Variants in TTLL11 observed in about 807,000 individuals in gnomAD.
TTLL11 encodes tubulin tyrosine ligase like 11.
In TTLL11, 42 loss-of-function variants were observed where a neutral mutation model predicts 51.7. The ratio of observed to expected loss-of-function variants is 0.81; its 90% confidence interval spans 0.64 to 1.05. TTLL11 has a LOEUF of 1.05. TTLL11 is among the 50% of genes least tolerant of loss of function. The pLI, the probability that TTLL11 is intolerant of heterozygous loss-of-function variation, is 0.00. For synonymous variants in TTLL11, 381 were observed against 383.5 expected (o/e 0.99, Z 0.08); for missense variants, 799 against 940.4 (o/e 0.85, Z 1.97).
At chr9:121,887,104 T>C (rs1482302779) in intron 6 of TTLL11, among the ~76,000 whole-genome samples, 1 of 152,212 alleles carries the variant, frequency 6.6e-6, no homozygotes, top group Non-Finnish European at 1.5e-5. Flanking sequence ...AAGCCTATTG[T>C]TTCAGGCAAG....
chr9:121,953,632 CAA>C (rs57176138), intron 6 of TTLL11, among the ~76,000 whole-genome samples: 841 of 70,908 alleles, frequency 0.012, 5 homozygotes, highest in African/African-American at 0.027. Context: ...GATGCCGCCT[CAA>C]AAAAAAAAAA....
chr9:121,884,759 A>AG (rs1838943498), intron 6 of TTLL11: 1 of 152,172 alleles, frequency 6.6e-6, no homozygotes, highest in Admixed American at 6.5e-5. Context: ...ACACAGAGAC[A>AG]GGGGGCACTT....
chr9:121,918,636 T>C (rs1243944690), intron 6 of TTLL11, among the ~76,000 whole-genome samples: 1 of 152,156 alleles, frequency 6.6e-6, no homozygotes, highest in African/African-American at 2.4e-5. Context: ...CATTCATTCA[T>C]CCATTTCACT....
At chr9:122,034,361 A>G (rs1588224914) in intron 2 of TTLL11, among the ~76,000 whole-genome samples, 1 of 152,320 alleles carries the variant, frequency 6.6e-6, no homozygotes, top group Middle Eastern at 3.4e-3. Flanking sequence ...CAGGCCCCAC[A>G]CCAGCTAATA....
At chr9:121,896,634 A>G (rs2131462277) in intron 6 of TTLL11, among the ~76,000 whole-genome samples, 1 of 152,308 alleles carries the variant, frequency 6.6e-6, no homozygotes, top group South Asian at 2.1e-4. Context: ...ATGGGCGTGC[A>G]GGAGGCCATC....
intron 6 of TTLL11, among the ~76,000 whole-genome samples, chr9:121,881,427 T>G (rs2131418031): frequency 6.6e-6 from 1 of 152,362 alleles, no homozygotes; most frequent in South Asian, 2.1e-4. Flanking sequence ...GATGAACCCT[T>G]ATTCAGTAAT....
chr9:122,079,876 C>G (rs1173517371), intron 1 of TTLL11, among the ~76,000 whole-genome samples: 1 of 152,092 alleles, frequency 6.6e-6, no homozygotes, highest in South Asian at 2.1e-4. Context: ...ACCTAGAATC[C>G]CAGCACTTTG....
rs1337462731 is a variant in TTLL11 at position 121,890,520 on chromosome 9, G to A, written c.1482-19772C>T. ...CAGGCAGGCCTCCCCCAAGCACTCT[G>A]CTTACAAGTGCAGCCCACAATCTTC... On this transcript the variant is annotated intron_variant, in intron 6 of 8. Coordinates refer to ENST00000321582, the MANE Select transcript of TTLL11 (RefSeq NM_001139442.2). The surrounding 1 kb of genome is among the most constrained non-coding windows in gnomAD (Gnocchi z 4.3). Among the ~76,000 whole-genome samples, 1 of 152,114 alleles carries A rather than the reference G, an allele frequency of 6.6e-6. No individual in the cohort carries two copies. The highest frequency in any genetic ancestry group is 1.9e-4 in the East Asian group (1 of 5,188).
rs1467291506 is a variant in TTLL11 at position 121,860,326 on chromosome 9, T to C, written c.1840+11A>G. 16 of 1,548,870 alleles carry C rather than the reference T, an allele frequency of 1.0e-5. No homozygotes were observed. Among genetic ancestry groups the C allele is most frequent in the Non-Finnish European group, 1.4e-5 (16 of 1,145,206 alleles). On this transcript the variant is annotated intron_variant, in intron 8 of 8. Coordinates refer to ENST00000321582, the MANE Select transcript of TTLL11 (RefSeq NM_001139442.2). ...CCCCCACAGGCCATGGCAGAGGCAT[T>C]TGTCAAATACCTGAGTCCCGCTGGT...
chr9:121,915,477 T>C (rs545615532), intron 6 of TTLL11, among the ~76,000 whole-genome samples: 33 of 152,312 alleles, frequency 2.2e-4, no homozygotes, highest in African/African-American at 7.5e-4. Flanking sequence ...GTTTGCTTAT[T>C]CTGACACCCA....
chr9:121,994,200 G>T (rs1843189993), intron 3 of TTLL11, among the ~76,000 whole-genome samples: 1 of 151,320 alleles, frequency 6.6e-6, no homozygotes, highest in Non-Finnish European at 1.5e-5. Flanking sequence ...CAGAAAGGAA[G>T]GACCTGGGCA....
At chr9:121,880,028 G>A (rs1020440280) in intron 6 of TTLL11, among the ~76,000 whole-genome samples, 8 of 152,130 alleles carry the variant, frequency 5.3e-5, no homozygotes, top group Non-Finnish European at 1.2e-4. Context: ...CAGCTATTGA[G>A]CATAAATGCC....
intron 3 of TTLL11, among the ~76,000 whole-genome samples, chr9:122,011,686 G>A (rs1843795836): frequency 2.0e-5 from 3 of 152,184 alleles, no homozygotes. Context: ...AAAGGAGAGA[G>A]ACGGCAGACA....
chr9:121,829,812 CA>C (rs1836942720), intron 8 of TTLL11, among the ~76,000 whole-genome samples: 2 of 145,342 alleles, frequency 1.4e-5, no homozygotes, highest in Admixed American at 1.4e-4. Context: ...CACACACACA[CA>C]CCACACACAC....
intron 6 of TTLL11, among the ~76,000 whole-genome samples, chr9:121,915,752 C>T (rs1840297567): frequency 6.6e-6 from 1 of 151,876 alleles, no homozygotes; most frequent in African/African-American, 2.4e-5. Context: ...AAAATGTTGG[C>T]TACTTTATGT....
At chr9:122,086,624 A>G (rs925308516) in intron 1 of TTLL11, among the ~76,000 whole-genome samples, 4 of 152,248 alleles carry the variant, frequency 2.6e-5, no homozygotes, top group African/African-American at 9.6e-5. Flanking sequence ...CAAATGGCAC[A>G]GGAATTGCAT....
chr9:121,974,886 C>T lies in TTLL11; in HGVS notation c.1363G>A (p.Glu455Lys), dbSNP rs1238398379. Residue 455 changes from glutamate (E) to lysine (K), a missense_variant and splice_region_variant, in exon 5 of 9, where the codon GAA (glutamate) becomes AAA (lysine). By Grantham distance (56) the Glu-to-Lys change is moderately conservative. This residue lies in a region of TTLL11 where 468 missense variants were observed against 612.8 expected (regional missense o/e 0.76). Coordinates refer to ENST00000321582, the MANE Select transcript of TTLL11 (RefSeq NM_001139442.2). ...NPSMRIEHEH[E>K]LSPGVFENVP... Reference sequence around the variant, plus strand: ...AATGAGATGCTCAAAATACTTACTTCGTGCTCATGTTCGATTCTCATACTG... The same window carrying T: ...AATGAGATGCTCAAAATACTTACTTTGTGCTCATGTTCGATTCTCATACTG... The T allele has an allele frequency of 1.2e-5, 18 of 1,544,862 alleles. No individual in the cohort carries two copies. Among genetic ancestry groups the T allele is most frequent in the African/African-American group, 6.9e-5 (5 of 72,726 alleles).
At chr9:121,838,728 AAAAG>A (rs553465546) in intron 8 of TTLL11, among the ~76,000 whole-genome samples, 30 of 151,058 alleles carry the variant, frequency 2.0e-4, no homozygotes, top group South Asian at 6.3e-4. Flanking sequence ...AGAAAGAAAG[AAAAG>A]AAAGAAAGAA....
At chr9:121,975,947 G>A (rs988343509) in intron 4 of TTLL11, among the ~76,000 whole-genome samples, 2 of 152,262 alleles carry the variant, frequency 1.3e-5, no homozygotes. Flanking sequence ...ATTTGAAGAA[G>A]GGATTATGTG....
Sources: allele counts gnomAD v4.1 joint callset (sites outside exome capture counted in the v4.1 genomes callset), GRCh38; gene constraint gnomAD v4.1.1; regional missense constraint gnomAD v4.1.1; non-coding constraint Gnocchi (gnomAD v3.1); transcripts MANE v1.5; gene names NCBI Gene and HGNC (gene_info 2026-07-23, HGNC 2026-07-21).